CNTN5: variants seen among roughly 807,000 people sequenced by gnomAD.
CNTN5 encodes contactin 5.
In CNTN5, 77 loss-of-function variants were observed where a neutral mutation model predicts 129.1. The observed-to-expected ratio is 0.60, with a 90% CI of 0.50 to 0.72. The LOEUF (loss-of-function observed/expected upper bound fraction) is 0.72. Among genes scored for constraint, CNTN5 ranks in the 30% least tolerant of loss-of-function variants. The pLI, the probability that CNTN5 is intolerant of heterozygous loss-of-function variation, is 0.00. For missense variants in CNTN5, 1,478 were observed against 1,328.8 expected, an observed-to-expected ratio of 1.11 and a Z score of -1.75; for synonymous variants, 509 against 465.6, an observed-to-expected ratio of 1.09 and a Z score of -1.20.
chr11:100,001,276 C>T (rs747974679), intron 8 of CNTN5, among the ~76,000 whole-genome samples: 4 of 152,118 alleles, frequency 2.6e-5, no homozygotes, highest in African/African-American at 4.8e-5. Context: ...GGGAAACTGC[C>T]ACTTTTAAAA....
intron 13 of CNTN5, among the ~76,000 whole-genome samples, chr11:100,112,219 G>C (rs1945679170): frequency 6.6e-6 from 1 of 152,084 alleles, no homozygotes; most frequent in South Asian, 2.1e-4. Context: ...ATGGACTGAG[G>C]CCATTCCAAC....
Position 99,560,722 on chromosome 11 carries a change from AT to A in CNTN5, c.55+4459del, listed in dbSNP as rs139757013. On this transcript the variant is annotated intron_variant, in intron 3 of 24. Transcript: ENST00000524871. ...TAAGCACTGCACTCTAGTTAATAAT[AT>A]TTTTTCCCATGTCAGCACTCCTAAA... is the stretch of plus-strand genomic sequence containing the variant. Among the ~76,000 whole-genome samples the A allele has an allele frequency of 8.5e-3, 1,295 of 152,198 alleles. 14 individuals carry two copies. Among genetic ancestry groups the A allele is most frequent in the Middle Eastern group, 0.014 (4 of 294 alleles).
chr11:99,790,252 G>A (rs1459911503), intron 3 of CNTN5, among the ~76,000 whole-genome samples: 4 of 152,020 alleles, frequency 2.6e-5, no homozygotes, highest in Non-Finnish European at 5.9e-5. Context: ...TTTCATAGGA[G>A]TTTGGTTTAC....
rs528168451 is a variant in CNTN5, at chr11:100,307,922, G to A, written c.2621-437G>A. Among the ~76,000 whole-genome samples the A allele has an allele frequency of 5.3e-5, 8 of 151,606 alleles. No individual in the cohort carries two copies. In the East Asian group the frequency reaches 1.6e-3, roughly 30 times the overall value. On this transcript the variant is annotated intron_variant, in intron 20 of 24. Coordinates refer to ENST00000524871, the MANE Select transcript of CNTN5 (RefSeq NM_014361.4). ...TCATTATAGTCATGTTATAGATGAG[G>A]GAACTAGGGCTTAGAAAGAGATAAA...
At chr11:99,766,472 A>C (rs952011328) in intron 3 of CNTN5, among the ~76,000 whole-genome samples, 1 of 151,880 alleles carries the variant, frequency 6.6e-6, no homozygotes, top group African/African-American at 2.4e-5. Flanking sequence ...ATTATGGATA[A>C]CTCTATTTTA....
intron 3 of CNTN5, among the ~76,000 whole-genome samples, chr11:99,612,173 C>T (rs996577509): frequency 6.6e-6 from 1 of 152,174 alleles, no homozygotes; most frequent in Non-Finnish European, 1.5e-5. Flanking sequence ...AACTGAGACT[C>T]ATAATTGTTC....
intron 1 of CNTN5, among the ~76,000 whole-genome samples, chr11:99,163,170 T>A (rs1860701316): frequency 1.3e-5 from 2 of 152,182 alleles, no homozygotes; most frequent in Admixed American, 1.3e-4. Context: ...TAACTCAAAA[T>A]TATTCATATT....
chr11:99,902,163 C>G (rs1047221391), intron 6 of CNTN5, among the ~76,000 whole-genome samples: 2 of 151,780 alleles, frequency 1.3e-5, no homozygotes, highest in African/African-American at 2.4e-5. Flanking sequence ...AGATTAGTAA[C>G]CTTTTCTACT....
chr11:99,329,894 T>G (rs11219415), intron 2 of CNTN5, among the ~76,000 whole-genome samples: 24 of 145,944 alleles, frequency 1.6e-4, no homozygotes, highest in African/African-American at 5.8e-4. Flanking sequence ...CTTATCTATA[T>G]CTGTACATAT....
At chr11:99,794,448 A>C (rs926898882) in intron 3 of CNTN5, among the ~76,000 whole-genome samples, 2 of 152,058 alleles carry the variant, frequency 1.3e-5, no homozygotes, top group Admixed American at 6.5e-5. Flanking sequence ...ATATGTGTGG[A>C]TTTAATCCTG....
intron 2 of CNTN5, among the ~76,000 whole-genome samples, chr11:99,429,705 C>A (rs951880547): frequency 1.3e-5 from 2 of 152,052 alleles, no homozygotes; most frequent in Admixed American, 1.3e-4. Context: ...AGAGTCTACA[C>A]TTAATCCTGG....
chr11:99,949,363 T>C (rs1204644296), intron 7 of CNTN5, among the ~76,000 whole-genome samples: 2 of 152,104 alleles, frequency 1.3e-5, no homozygotes, highest in Non-Finnish European at 2.9e-5. Context: ...TCCATATATA[T>C]CTTTTTTTAA....
chr11:99,216,716 T>A (rs946433232), intron 1 of CNTN5, among the ~76,000 whole-genome samples: 1 of 152,070 alleles, frequency 6.6e-6, no homozygotes, highest in Non-Finnish European at 1.5e-5. Flanking sequence ...GACATTGGTC[T>A]GGGCAAATAT....
intron 3 of CNTN5, among the ~76,000 whole-genome samples, chr11:99,602,083 C>A (rs902919319): frequency 1.3e-5 from 2 of 151,912 alleles, no homozygotes; most frequent in African/African-American, 2.4e-5. Flanking sequence ...ATTCCAAATT[C>A]ATCAGATAAA....
At chr11:99,280,729 A>T (rs944877600) in intron 1 of CNTN5, among the ~76,000 whole-genome samples, 2 of 151,862 alleles carry the variant, frequency 1.3e-5, no homozygotes, top group African/African-American at 4.8e-5. Context: ...TTTCATATAT[A>T]TGAACCAGTA....
At chr11:99,119,705 A>G (rs144140333) in intron 1 of CNTN5, among the ~76,000 whole-genome samples, 2 of 152,228 alleles carry the variant, frequency 1.3e-5, no homozygotes, top group African/African-American at 4.8e-5. Flanking sequence ...TCTTTGAGGA[A>G]TCGCCACCCT....
At chr11:99,892,095 C>T (rs1182055523) in intron 6 of CNTN5, among the ~76,000 whole-genome samples, 2 of 152,150 alleles carry the variant, frequency 1.3e-5, no homozygotes, top group Non-Finnish European at 2.9e-5. Context: ...AGCTTTTCTT[C>T]GTATGTTTGT....
intron 3 of CNTN5, among the ~76,000 whole-genome samples, chr11:99,650,482 C>G (rs898057660): frequency 1.3e-5 from 2 of 151,904 alleles, no homozygotes; most frequent in Non-Finnish European, 2.9e-5. Flanking sequence ...AGGCTACTCT[C>G]AGCCAGATAG....
chr11:100,152,216 C>A (rs188204054), intron 13 of CNTN5, among the ~76,000 whole-genome samples: 4 of 152,208 alleles, frequency 2.6e-5, no homozygotes, highest in Admixed American at 2.6e-4. Flanking sequence ...CCACTTGGTG[C>A]GTTCTTTTAG....
Sources: allele counts gnomAD v4.1 joint callset (sites outside exome capture counted in the v4.1 genomes callset), GRCh38; gene constraint gnomAD v4.1.1; transcripts MANE v1.5; gene names NCBI Gene and HGNC (gene_info 2026-07-23, HGNC 2026-07-21).